SDK2: variants seen among roughly 807,000 people sequenced by gnomAD.
The protein encoded by SDK2 is protein sidekick-2.
Under a neutral mutation model 253.9 loss-of-function variants are expected in SDK2, and 105 were observed. That is an observed-to-expected ratio of 0.41 (90% CI 0.35 to 0.49). SDK2 has a LOEUF of 0.49. SDK2 is among the 20% of genes least tolerant of loss of function. SDK2 has a pLI of 0.06. For synonymous variants in SDK2, 1,249 were observed against 1,234.9 expected (o/e 1.01, Z -0.24); for missense variants, 2,608 against 3,003.0 (o/e 0.87, Z 3.07).
intron 36 of SDK2, among the ~76,000 whole-genome samples, chr17:73,376,723 G>A (rs1239780445): frequency 1.3e-5 from 2 of 152,132 alleles, no homozygotes. Context: ...ACTGCTGCTG[G>A]CGCTGCCCTG....
intron 5 of SDK2, among the ~76,000 whole-genome samples, chr17:73,441,569 A>G (rs2063416429): frequency 6.6e-6 from 1 of 152,198 alleles, no homozygotes; most frequent in South Asian, 2.1e-4. Flanking sequence ...GAGTGAAGAG[A>G]TGTGGCCACA....
chr17:73,535,130 G>T (rs563439732), intron 1 of SDK2, among the ~76,000 whole-genome samples: 2 of 152,326 alleles, frequency 1.3e-5, no homozygotes, highest in Admixed American at 6.5e-5. Flanking sequence ...AACCAAAGGT[G>T]GCCTCGACGC....
At chr17:73,423,719 C>T (rs890580318) in intron 13 of SDK2, among the ~76,000 whole-genome samples, 197 bp from the exon 14 acceptor site, 1 of 152,222 alleles carries the variant, frequency 6.6e-6, no homozygotes, top group African/African-American at 2.4e-5. Flanking sequence ...TCCTCACACC[C>T]CCCTGCTCTT....
intron 21 of SDK2, 39 bp downstream of exon 21, chr17:73,400,981 G>A (rs1449443810): frequency 3.3e-6 from 5 of 1,531,278 alleles, no homozygotes; most frequent in Non-Finnish European, 4.4e-6. Context: ...CGCTGCTCAG[G>A]AGAACTCAAA....
At position 73,466,713 on chromosome 17, in the gene SDK2, A is replaced by ACCC. The variant is rs201159167; in HGVS notation, c.331+5398_331+5399insGGG. 4.2e-3 allele frequency among the ~76,000 whole-genome samples: 344 copies of ACCC among 81,840 alleles called. 55 individuals are homozygous for ACCC. Among genetic ancestry groups the ACCC allele is most frequent in the Middle Eastern group, 7.1e-3 (1 of 140 alleles). The allele number at this position is 81,840 out of a possible 152,430, so 53.7% of individuals were successfully genotyped here. ...TGGATCATTTTGGAGGCTCTGGGGA[A>ACCC]CGCCCCCCCCCCCCGGCTTAGGCTC... On this transcript the variant is annotated intron_variant, in intron 3 of 44. Transcript: ENST00000392650.
In SDK2 at chr17:73,419,257, C is replaced by T. The variant is rs370423133; in HGVS notation, c.2095G>A (p.Ala699Thr). ...ATGGACTGGTTGGTTCGACCGCTGG[C>T]GATGACGTTCTGTGGAGGGGCCGTG... ...PPTAPPQNVI[A>T]SGRTNQSIMI... Residue 699 changes from alanine (A) to threonine (T), a missense_variant, in exon 16 of 45, where the codon GCC (alanine) becomes ACC (threonine). Around this residue, in one of 2 missense-constraint regions of SDK2, gnomAD observed 1,505 missense variants for 1,859.1 expected, o/e 0.81. Coordinates refer to ENST00000392650, the MANE Select transcript of SDK2 (RefSeq NM_001144952.2). 2.0e-5 allele frequency: 33 copies of T among 1,612,722 alleles called. No homozygotes were observed. Among genetic ancestry groups the T allele is most frequent in the East Asian group, 1.3e-4 (6 of 44,872 alleles).
At chr17:73,430,222 C>A (rs950040326) in intron 12 of SDK2, among the ~76,000 whole-genome samples, 1 of 152,174 alleles carries the variant, frequency 6.6e-6, no homozygotes, top group Admixed American at 6.5e-5. Flanking sequence ...CTTCCTTTCC[C>A]CTCCCTCACC....
At chr17:73,502,440 T>TGTTC (rs35382898) in intron 2 of SDK2, among the ~76,000 whole-genome samples, 1 of 151,934 alleles carries the variant, frequency 6.6e-6, no homozygotes, top group African/African-American at 2.4e-5. Context: ...TGGAACATTT[T>TGTTC]TTGAGCCCAA....
Position 73,368,275 on chromosome 17 carries a change from T to G in SDK2, c.5167+132A>C, listed in dbSNP as rs894973582. On this transcript the variant is annotated intron_variant, in intron 37 of 44. Transcript: ENST00000392650. ...GGGAGGGTGTCTCTGGGGACCTGGG[T>G]ACCACGACCAGATCCTCAGGCGGAT... 22 of 795,668 alleles carry G rather than the reference T, an allele frequency of 2.8e-5. 1 individual carries two copies. Among genetic ancestry groups the G allele is most frequent in the Middle Eastern group, 8.1e-4 (2 of 2,482 alleles). 49.3% of individuals were successfully genotyped at this position (795,668 alleles called of 1,614,324 possible). A position where few individuals can be genotyped will look rare whatever the true frequency, so the allele number is the denominator to read the frequency against.
intron 3 of SDK2, among the ~76,000 whole-genome samples, chr17:73,464,496 C>A (rs538173650): frequency 6.6e-6 from 1 of 152,206 alleles, no homozygotes; most frequent in African/African-American, 2.4e-5. Flanking sequence ...TTATTAGCAG[C>A]TTGAAAACAG....
At chr17:73,350,613 C>A in intron 42 of SDK2, 37 bp downstream of exon 42, 1 of 1,591,360 alleles carries the variant, frequency 6.3e-7, no homozygotes, top group South Asian at 1.1e-5. Flanking sequence ...ACATAAAACT[C>A]AAGTCCAGCC....
chr17:73,504,373 AT>A (rs1317505837), intron 2 of SDK2: 1 of 151,902 alleles, frequency 6.6e-6, no homozygotes, highest in African/African-American at 2.4e-5. Context: ...CACGCCTGTA[AT>A]TCCAGCACTT....
intron 6 of SDK2, among the ~76,000 whole-genome samples, chr17:73,439,281 C>T (rs928657311): frequency 4.6e-5 from 7 of 152,098 alleles, no homozygotes; most frequent in African/African-American, 1.2e-4. Flanking sequence ...CCAGCAGAGC[C>T]GTGAGCCAAA....
intron 1 of SDK2, among the ~76,000 whole-genome samples, chr17:73,634,434 C>T (rs1355824417): frequency 6.6e-6 from 1 of 152,230 alleles, no homozygotes; most frequent in Non-Finnish European, 1.5e-5. Context: ...TGGCCAACCT[C>T]CTTCATAGAC....
chr17:73,429,811 T>TG (rs1033250977), intron 12 of SDK2, among the ~76,000 whole-genome samples: 16 of 151,656 alleles, frequency 1.1e-4, no homozygotes, highest in African/African-American at 3.1e-4. Context: ...GCCTTGGGGG[T>TG]GGGGGTAGGG....
intron 1 of SDK2, among the ~76,000 whole-genome samples, chr17:73,630,375 C>T (rs958702299): frequency 1.3e-5 from 2 of 152,188 alleles, no homozygotes; most frequent in African/African-American, 4.8e-5. Flanking sequence ...ACTCCCTTAC[C>T]TCCATCAAGA....
chr17:73,538,848 G>T (rs1048214347), intron 1 of SDK2, among the ~76,000 whole-genome samples: 1 of 152,174 alleles, frequency 6.6e-6, no homozygotes, highest in Admixed American at 6.5e-5. Flanking sequence ...ATGGGGCACC[G>T]ACCAGTTAGA....
chr17:73,564,708 C>T (rs561240551), intron 1 of SDK2, among the ~76,000 whole-genome samples: 42 of 152,068 alleles, frequency 2.8e-4, no homozygotes, highest in Non-Finnish European at 3.7e-4. Context: ...ACCTGCAGTC[C>T]CATCTACTCG....
At chr17:73,490,528 T>G (rs964269625) in intron 2 of SDK2, among the ~76,000 whole-genome samples, 2 of 150,702 alleles carry the variant, frequency 1.3e-5, no homozygotes, top group Non-Finnish European at 3.0e-5. Context: ...GCAGTGTTTT[T>G]TTTTTTTTTT....
Sources: gnomAD v4.1 joint callset for allele counts (sites outside exome capture counted in the v4.1 genomes callset) on GRCh38, gnomAD v4.1.1 for gene constraint, gnomAD v4.1.1 regional missense constraint, MANE v1.5 for transcripts, NCBI Gene and HGNC (gene_info 2026-07-23, HGNC 2026-07-21) for gene names.